Variants in IFI44L observed in about 807,000 individuals in gnomAD.
The protein encoded by IFI44L is interferon-induced protein 44-like.
IFI44L carries 40 observed loss-of-function variants against 39.3 expected under a neutral mutation model. The observed-to-expected ratio is 1.02, with a 90% CI of 0.79 to 1.33. The LOEUF is 1.33. IFI44L is among the 40% of genes most tolerant of loss of function. The probability of loss-of-function intolerance (pLI) is 0.00; values close to 1 mark genes in which losing one functional copy is unlikely to be tolerated. For missense variants in IFI44L, 623 were observed against 549.0 expected, an observed-to-expected ratio of 1.13 and a Z score of -1.35; for synonymous variants, 198 against 182.3, an observed-to-expected ratio of 1.09 and a Z score of -0.69.
At chr1:78,630,520 T>C (rs918898962) in intron 4 of IFI44L, among the ~76,000 whole-genome samples, 1 of 152,172 alleles carries the variant, frequency 6.6e-6, no homozygotes, top group African/African-American at 2.4e-5. Context: ...AAATTCTTTC[T>C]TGTTTATGCT....
At chr1:78,628,929 A>C in intron 2 of IFI44L, 22 bp from the exon 3 acceptor site, 2 of 1,441,624 alleles carry the variant, frequency 1.4e-6, no homozygotes, top group Non-Finnish European at 1.9e-6. Flanking sequence ...AAAATGTATT[A>C]TGCTATGTTT....
Position 78,628,050 on chromosome 1 carries a change from C to A in IFI44L, c.135C>A (p.Ser45Arg). 6.2e-7 allele frequency: 1 copy of A among 1,613,022 alleles called. No homozygotes were observed. Among genetic ancestry groups the A allele is most frequent in the South Asian group, 1.1e-5 (1 of 91,028 alleles). ...TTGAAGATATGGTTGAAAGATGCAG[C>A]CGTCAGGGATGTACTATAACAATGG... is the stretch of plus-strand genomic sequence containing the variant. ...GSIEDMVERC[S>R]RQGCTITMAY... is the part of the protein sequence containing the mutation. Residue 45 changes from serine to arginine, a missense_variant, in exon 2 of 9, where the codon AGC becomes AGA. Physicochemically the swap from Ser to Arg is moderately radical, Grantham distance 110. Transcript: ENST00000370751.
rs34246900 is a variant in IFI44L, at chr1:78,629,754, T to C, written c.562T>C (p.Tyr188His). Residue 188 changes from tyrosine to histidine, a missense_variant, in exon 4 of 9, where the codon TAT (tyrosine) becomes CAT (histidine). Physicochemically the swap from Tyr to His is moderately conservative, Grantham distance 83. Transcript: ENST00000370751. ...RNRLLADIRD[Y>H]RPYADLVSEI... ...TAGGCTTCTAGCAGACATCAGAGAC[T>C]ATAGGCCCTATGCAGACTTGGTTTC... The C allele has an allele frequency of 2.0e-4, 324 of 1,613,740 alleles. No homozygotes were observed. In the African/African-American group the frequency reaches 3.5e-3, roughly 18 times the overall value.
rs1652905557 is a variant in IFI44L, at chr1:78,635,347, A to G, written c.734A>G (p.Tyr245Cys). The G allele has an allele frequency of 6.2e-7, 1 of 1,601,432 alleles. No homozygotes were observed. Among genetic ancestry groups the G allele is most frequent in the South Asian group, 1.1e-5 (1 of 90,726 alleles). ...GTATTTTTTTAACAGTATAGGATATATTCTGTTAAAGATGGAAAAAATGGA... is the reference window on the plus strand; with the variant it reads ...GTATTTTTTTAACAGTATAGGATATGTTCTGTTAAAGATGGAAAAAATGGA... ...ITSITERYRI[Y>C]SVKDGKNGKS... The change falls in exon 5 of 9, where the codon TAT becomes TGT. Residue 245 changes from tyrosine (Y) to cysteine (C), a missense_variant. Coordinates refer to ENST00000370751, the MANE Select transcript of IFI44L (RefSeq NM_006820.4).
rs778694556 is a variant in IFI44L, at chr1:78,635,294, G to A, written c.724-43G>A. Reference sequence around the variant, plus strand: ...TTCTTATTGTCATGTCTTGAATGCTGGGTGATGAATGAACCTTTACACTTA... The same window carrying A: ...TTCTTATTGTCATGTCTTGAATGCTAGGTGATGAATGAACCTTTACACTTA... On this transcript the variant is annotated intron_variant, in intron 4 of 8. Transcript: ENST00000370751. 1.6e-5 allele frequency: 22 copies of A among 1,404,194 alleles called. No individual in the cohort carries two copies. The African/African-American group carries it at 3.0e-4, about 19-fold the overall frequency. The allele number at this position is 1,404,194 out of a possible 1,614,324, so 87.0% of individuals were successfully genotyped here.
At chr1:78,631,962 G>A (rs1652765421) in intron 4 of IFI44L, among the ~76,000 whole-genome samples, 1 of 152,072 alleles carries the variant, frequency 6.6e-6, no homozygotes, top group Non-Finnish European at 1.5e-5. Flanking sequence ...ACTCCTTGAT[G>A]AATAGTAACA....
intron 6 of IFI44L, among the ~76,000 whole-genome samples, chr1:78,638,873 A>T (rs72673956): frequency 1.3e-5 from 2 of 152,214 alleles, no homozygotes; most frequent in Non-Finnish European, 2.9e-5. Flanking sequence ...TTTTGATGTG[A>T]CAAATGATTT....
At chr1:78,622,419 G>A (rs1557680884) in intron 1 of IFI44L, among the ~76,000 whole-genome samples, 1 of 151,958 alleles carries the variant, frequency 6.6e-6, no homozygotes, top group Non-Finnish European at 1.5e-5. Flanking sequence ...GACACCAGAA[G>A]GAATTTTAAC....
chr1:78,636,956 G>T, intron 5 of IFI44L, 76 bp from the exon 6 acceptor site: 1 of 1,080,416 alleles, frequency 9.3e-7, no homozygotes, highest in South Asian at 1.4e-5. Context: ...TACAGTATTA[G>T]AAGCATTAAT....
chr1:78,636,257 A>G (rs759649423), intron 5 of IFI44L, among the ~76,000 whole-genome samples: 5 of 152,242 alleles, frequency 3.3e-5, no homozygotes, highest in Admixed American at 6.5e-5. Flanking sequence ...CTGAAAACAC[A>G]TAAGTCAATA....
intron 3 of IFI44L, 141 bp from the exon 4 acceptor site, chr1:78,629,579 C>A: frequency 1.9e-6 from 1 of 515,704 alleles, no homozygotes. Context: ...TATAGAAGAT[C>A]TCATTATCAA....
chr1:78,622,836 G>A lies in IFI44L; in HGVS notation c.-11+2265G>A, dbSNP rs553318977. 2.6e-4 allele frequency among the ~76,000 whole-genome samples: 40 copies of A among 152,268 alleles called. No homozygotes were observed. In the East Asian group the frequency reaches 7.0e-3, roughly 27 times the overall value. ...CTACAACCATAAGGAACTGAATTCT[G>A]CTAACAACCATAGGAGCTTGGAAGC... On this transcript the variant is annotated intron_variant, in intron 1 of 8. Coordinates refer to ENST00000370751, the MANE Select transcript of IFI44L (RefSeq NM_006820.4).
At position 78,644,945 on chromosome 1, in the gene IFI44L, A is replaced by G. The variant is rs1199374952; in HGVS notation, c.*3136A>G. 1 of 152,220 alleles carries G rather than the reference A, an allele frequency of 6.6e-6. No individual in the cohort carries two copies. The highest frequency in any genetic ancestry group is 2.4e-5 in the African/African-American group (1 of 41,450). 9.4% of individuals were successfully genotyped at this position (152,220 alleles called of 1,614,324 possible). ...AAACTCACCCACCATCTACCTCAATAAAATATAGAGAAAAGAAAAATAGAG... is the reference window on the plus strand; with the variant it reads ...AAACTCACCCACCATCTACCTCAATGAAATATAGAGAAAAGAAAAATAGAG... On this transcript the variant is annotated 3_prime_UTR_variant, in exon 9 of 9. Transcript: ENST00000370751.
At chr1:78,632,016 T>C (rs531548363) in intron 4 of IFI44L, among the ~76,000 whole-genome samples, 2 of 152,284 alleles carry the variant, frequency 1.3e-5, no homozygotes, top group South Asian at 4.1e-4. Context: ...ACACATCATT[T>C]TGATATTCAG....
Position 78,641,868 on chromosome 1 carries a change from G to C in IFI44L, c.*59G>C. 1.9e-6 allele frequency: 3 copies of C among 1,551,014 alleles called. No individual in the cohort carries two copies. The highest frequency in any genetic ancestry group is 2.7e-6 in the Non-Finnish European group (3 of 1,122,890). ...CCTGTACTGGTGTGCCGCAATGAGAGTCAATCTCTATTGACAGCCTGCTTC... is the reference window on the plus strand; with the variant it reads ...CCTGTACTGGTGTGCCGCAATGAGACTCAATCTCTATTGACAGCCTGCTTC... On this transcript the variant is annotated 3_prime_UTR_variant, in exon 9 of 9. Transcript: ENST00000370751.
intron 1 of IFI44L, 97 bp downstream of exon 1, chr1:78,620,668 G>A (rs1226016169): frequency 6.6e-6 from 1 of 152,128 alleles, no homozygotes; most frequent in Non-Finnish European, 1.5e-5. Flanking sequence ...ACCAAATCAG[G>A]ATCATTGGGA....
Position 78,644,677 on chromosome 1 carries a change from C to CT in IFI44L, c.*2871dup, listed in dbSNP as rs1285179918. ...TCCAGGATTTTTGAAACTTTACATT[C>CT]TTTACGGTTAAGCAAGATGTACAGC... is the stretch of plus-strand genomic sequence containing the variant. On this transcript the variant is annotated 3_prime_UTR_variant, in exon 9 of 9. Coordinates refer to ENST00000370751, the MANE Select transcript of IFI44L (RefSeq NM_006820.4). 6.6e-6 allele frequency: 1 copy of CT among 152,092 alleles called. No individual in the cohort carries two copies. Among genetic ancestry groups the CT allele is most frequent in the African/African-American group, 2.4e-5 (1 of 41,408 alleles). 9.4% of individuals were successfully genotyped at this position (152,092 alleles called of 1,614,324 possible).
At position 78,627,974 on chromosome 1, in the gene IFI44L, G is replaced by A. The variant is rs552058095; in HGVS notation, c.59G>A (p.Gly20Glu). 1.2e-6 allele frequency: 2 copies of A among 1,611,114 alleles called. No individual in the cohort carries two copies. The highest frequency in any genetic ancestry group is 4.5e-5 in the East Asian group (2 of 44,730). The change falls in exon 2 of 9, where the codon GGA (glycine) becomes GAA (glutamate). Residue 20 changes from glycine to glutamate, a missense_variant. Gly to Glu is a moderately conservative substitution (Grantham distance 98). Transcript: ENST00000370751. The part of the protein sequence containing the change: ...NDENHLRKLL[G>E]NVSLSLLYKS... ...GAAAATCATCTGCGCAAGCTGCTTGGAAATGTTTCTTTGAGTCTTCTCTAT... is the reference window on the plus strand; with the variant it reads ...GAAAATCATCTGCGCAAGCTGCTTGAAAATGTTTCTTTGAGTCTTCTCTAT...
intron 1 of IFI44L, chr1:78,626,248 G>A (rs1475126153): frequency 1.3e-5 from 2 of 151,506 alleles, no homozygotes; most frequent in African/African-American, 2.4e-5. Flanking sequence ...TTTTTACATA[G>A]CAAATCTCTT....
Sources: gnomAD v4.1 joint callset for allele counts (sites outside exome capture counted in the v4.1 genomes callset) on GRCh38, gnomAD v4.1.1 for gene constraint, MANE v1.5 for transcripts, NCBI Gene and HGNC (gene_info 2026-07-23, HGNC 2026-07-21) for gene names.